LYST: variants seen among roughly 807,000 people sequenced by gnomAD.
The protein encoded by LYST is lysosomal trafficking regulator.
A neutral mutation model predicts 413.6 loss-of-function variants in LYST; 192 were observed. The ratio of observed to expected loss-of-function variants is 0.46; its 90% CI spans 0.41 to 0.52. The LOEUF (loss-of-function observed/expected upper bound fraction) is 0.52. LYST is among the 20% of genes least tolerant of loss of function. LYST has a pLI of 0.00. For synonymous variants in LYST, 1,525 were observed against 1,567.3 expected (o/e 0.97, Z 0.64); for missense variants, 3,815 against 4,499.9 (o/e 0.85, Z 4.35).
intron 47 of LYST, among the ~76,000 whole-genome samples, chr1:235,691,245 C>T (rs1009990991): frequency 6.6e-6 from 1 of 152,156 alleles, no homozygotes; most frequent in African/African-American, 2.4e-5. Flanking sequence ...TTCACAAACA[C>T]TGGAAACATT....
chr1:235,663,109 A>C (rs1658164563), intron 52 of LYST, 31 bp from the exon 53 acceptor site: 4 of 1,447,938 alleles, frequency 2.8e-6, no homozygotes, highest in Non-Finnish European at 3.9e-6. Context: ...CCATTTGTAC[A>C]TTATATTTCT....
intron 40 of LYST, among the ~76,000 whole-genome samples, chr1:235,717,696 T>A (rs574967110): frequency 6.7e-6 from 1 of 148,886 alleles, no homozygotes; most frequent in Non-Finnish European, 1.5e-5. Context: ...CTTAACCACA[T>A]GTTGATACAT....
intron 47 of LYST, 71 bp downstream of exon 47, chr1:235,693,279 C>A: frequency 4.3e-6 from 5 of 1,163,152 alleles, no homozygotes; most frequent in Admixed American, 1.8e-5. Flanking sequence ...TGTGTCACTG[C>A]GCTCCAGCTT....
chr1:235,875,499 C>G (rs1294489693), intron 1 of LYST, among the ~76,000 whole-genome samples: 2 of 152,118 alleles, frequency 1.3e-5, no homozygotes, highest in African/African-American at 4.8e-5. Context: ...GGTGGAGAGT[C>G]TGTTTTAATA....
chr1:235,725,498 T>C (rs1268897774), intron 38 of LYST, among the ~76,000 whole-genome samples: 3 of 152,076 alleles, frequency 2.0e-5, no homozygotes, highest in Non-Finnish European at 2.9e-5. Flanking sequence ...TTGTCTCTTT[T>C]GGCCTGGAGC....
intron 48 of LYST, among the ~76,000 whole-genome samples, chr1:235,684,803 T>A (rs974908241): frequency 2.6e-5 from 4 of 152,002 alleles, no homozygotes; most frequent in Non-Finnish European, 5.9e-5. Flanking sequence ...ATTTTTGTTT[T>A]TTTTTGGTAG....
Position 235,693,236 on chromosome 1 carries a change from G to C in LYST, c.10701+114C>G, listed in dbSNP as rs1272196213. The C allele has an allele frequency of 1.3e-5, 8 of 592,602 alleles. No individual in the cohort carries two copies. The African/African-American group carries it at 4.3e-4, about 32-fold the overall frequency. 36.7% of individuals were successfully genotyped at this position (592,602 alleles called of 1,614,324 possible). A position where few individuals can be genotyped will look rare whatever the true frequency, so the allele number is the denominator to read the frequency against. ...GGAGGCTGAGGCAGGAGAATGGCGT[G>C]AGCCGGGAGGTGGAGCTTGCAGTGA... is the stretch of plus-strand genomic sequence containing the variant. On this transcript the variant is annotated intron_variant, in intron 47 of 52. Coordinates refer to ENST00000389793, the MANE Select transcript of LYST (RefSeq NM_000081.4).
rs889834625 is a variant in LYST at position 235,747,649 on chromosome 1, A to G, written c.7781-1122T>C. On this transcript the variant is annotated intron_variant, in intron 28 of 52. Coordinates refer to ENST00000389793, the MANE Select transcript of LYST (RefSeq NM_000081.4). ...CTAATGTCTACATCTGACAGCTTTCATGCTGTACGTGCAGCTGATGATTGT... is the reference window on the plus strand; with the variant it reads ...CTAATGTCTACATCTGACAGCTTTCGTGCTGTACGTGCAGCTGATGATTGT... 3.3e-5 allele frequency among the ~76,000 whole-genome samples: 5 copies of G among 152,206 alleles called. 1 individual carries two copies. Among genetic ancestry groups the G allele is most frequent in the Admixed American group, 3.3e-4 (5 of 15,276 alleles).
chr1:235,687,976 T>G (rs1177429863), intron 47 of LYST, among the ~76,000 whole-genome samples: 1 of 152,228 alleles, frequency 6.6e-6, no homozygotes, highest in African/African-American at 2.4e-5. Flanking sequence ...GAAAATGACT[T>G]TCTCTGATCT....
chr1:235,857,983 T>C (rs1050715856), intron 1 of LYST, among the ~76,000 whole-genome samples: 3 of 152,208 alleles, frequency 2.0e-5, no homozygotes, highest in Non-Finnish European at 4.4e-5. Context: ...AGTTGTCACC[T>C]ACTGACCTTT....
In LYST at chr1:235,773,937, C is replaced by T. The variant is rs1572214845; in HGVS notation, c.5689G>A (p.Glu1897Lys). 2.5e-6 allele frequency: 4 copies of T among 1,606,206 alleles called. No homozygotes were observed. The East Asian group carries it at 6.7e-5, about 27-fold the overall frequency. Residue 1897 changes from glutamate to lysine, a missense_variant, in exon 19 of 53, where the codon GAG becomes AAG. Coordinates refer to ENST00000389793, the MANE Select transcript of LYST (RefSeq NM_000081.4). ...TTAGAGTCTACATCCAACTTAAACT[C>T]TCCATTCTCATTCATATAAATAATA... is the stretch of plus-strand genomic sequence containing the variant. ...EDIIYMNENG[E>K]FKLDVDSNAI...
chr1:235,703,667 CAAAAT>C (rs966979574), intron 44 of LYST, among the ~76,000 whole-genome samples: 1 of 152,078 alleles, frequency 6.6e-6, no homozygotes, highest in African/African-American at 2.4e-5. Context: ...CTATAAATGC[CAAAAT>C]AAAATTCCAA....
In LYST at chr1:235,810,325, T is replaced by G. The variant is rs1673329523; in HGVS notation, c.493A>C (p.Thr165Pro). ...VRDARKTQLS[T>P]SDSEANSDEK... is the part of the protein sequence containing the mutation. ...TCTGAATTGGCTTCTGAATCTGAGG[T>G]GGAGAGCTGTGTCTTTCTTGCATCT... The change falls in exon 5 of 53, where the codon ACC becomes CCC. Residue 165 changes from threonine (T) to proline (P), a missense_variant. Thr to Pro is a conservative substitution (Grantham distance 38). This residue lies in a region of LYST where 1,648 missense variants were observed against 1,810.3 expected (regional missense o/e 0.91). Transcript: ENST00000389793. The G allele has an allele frequency of 1.9e-6, 3 of 1,613,986 alleles. No homozygotes were observed. The highest frequency in any genetic ancestry group is 1.7e-6 in the Non-Finnish European group (2 of 1,179,958).
At chr1:235,880,906 G>A (rs1160952550) in intron 1 of LYST, among the ~76,000 whole-genome samples, 7 of 152,082 alleles carry the variant, frequency 4.6e-5, no homozygotes, top group South Asian at 4.1e-4. Context: ...TGGGTGGATC[G>A]CCAGAGGTCC....
At chr1:235,735,631 T>C (rs1055973983) in intron 31 of LYST, 14 of 152,272 alleles carry the variant, frequency 9.2e-5, no homozygotes, top group African/African-American at 1.9e-4. Context: ...AAAATCAGCA[T>C]TGACACAAAT....
At chr1:235,802,764 G>T in intron 8 of LYST, 144 bp downstream of exon 8, 1 of 740,460 alleles carries the variant, frequency 1.4e-6, no homozygotes, top group Non-Finnish European at 2.3e-6. Context: ...CCAGACTGTT[G>T]GGAAGATCAA....
At chr1:235,734,866 G>A in intron 31 of LYST, 2 of 425,406 alleles carry the variant, frequency 4.7e-6, no homozygotes, top group Admixed American at 3.9e-5. Context: ...AATTTTGTTA[G>A]ATGTAATAAT....
At chr1:235,795,652 A>G (rs1160354299) in intron 10 of LYST, among the ~76,000 whole-genome samples, 2 of 152,222 alleles carry the variant, frequency 1.3e-5, no homozygotes, top group Admixed American at 1.3e-4. Context: ...GCACATTCAC[A>G]CAGAGCTCTT....
chr1:235,871,975 A>C (rs1046699343), intron 1 of LYST, among the ~76,000 whole-genome samples: 45 of 152,326 alleles, frequency 3.0e-4, no homozygotes, highest in African/African-American at 1.1e-3. Flanking sequence ...ACAGGAAAAA[A>C]TATACAAATT....
Sources: gnomAD v4.1 joint callset for allele counts (sites outside exome capture counted in the v4.1 genomes callset) on GRCh38, gnomAD v4.1.1 for gene constraint, gnomAD v4.1.1 regional missense constraint, MANE v1.5 for transcripts, NCBI Gene and HGNC (gene_info 2026-07-23, HGNC 2026-07-21) for gene names.